The following STXBP5L variants were observed in gnomAD, a reference collection of about 807,000 sequenced individuals.
STXBP5L encodes the protein syntaxin-binding protein 5-like.
A neutral mutation model predicts 144.5 loss-of-function variants in STXBP5L; 65 were observed. The observed-to-expected ratio is 0.45, with a 90% confidence interval of 0.37 to 0.55. The LOEUF is 0.55. Among genes scored for constraint, STXBP5L ranks in the 20% least tolerant of loss-of-function variants. The pLI is 0.00. For missense variants in STXBP5L, 1,298 were observed against 1,405.5 expected (o/e 0.92, Z 1.22); for synonymous variants, 505 against 469.6 (o/e 1.08, Z -0.97).
chr3:121,008,855 A>G (rs1944552967), intron 3 of STXBP5L, among the ~76,000 whole-genome samples: 1 of 152,012 alleles, frequency 6.6e-6, no homozygotes, highest in South Asian at 2.1e-4. Context: ...CCATATTTAG[A>G]ATATGTAGCA....
At chr3:121,253,685 G>C (rs942953243) in intron 15 of STXBP5L, among the ~76,000 whole-genome samples, 1 of 149,608 alleles carries the variant, frequency 6.7e-6, no homozygotes, top group African/African-American at 2.5e-5. Flanking sequence ...CTGGAGTGCA[G>C]TGGCGCAGTC....
chr3:121,123,862 T>G (rs1427643724), intron 7 of STXBP5L, among the ~76,000 whole-genome samples: 1 of 151,760 alleles, frequency 6.6e-6, no homozygotes, highest in East Asian at 1.9e-4. Flanking sequence ...TCACAGAAGT[T>G]TTTTTATTTT....
At chr3:120,986,518 T>G (rs1942300862) in intron 3 of STXBP5L, among the ~76,000 whole-genome samples, 1 of 152,026 alleles carries the variant, frequency 6.6e-6, no homozygotes, top group Admixed American at 6.6e-5. Context: ...TTTGTCAGTT[T>G]TTGCTTATAT....
intron 22 of STXBP5L, among the ~76,000 whole-genome samples, chr3:121,393,191 A>ATTT (rs35499185): frequency 6.9e-6 from 1 of 145,550 alleles, no homozygotes; most frequent in Non-Finnish European, 1.5e-5. Context: ...GATGTTGAAC[A>ATTT]TTTTTTTTTT....
intron 19 of STXBP5L, among the ~76,000 whole-genome samples, chr3:121,301,724 A>G (rs578108338): frequency 1.3e-5 from 2 of 152,308 alleles, no homozygotes; most frequent in African/African-American, 4.8e-5. Flanking sequence ...TGTCCCATCA[A>G]TACCTAATTT....
chr3:120,982,845 C>A (rs1941921078), intron 3 of STXBP5L, among the ~76,000 whole-genome samples: 1 of 152,132 alleles, frequency 6.6e-6, no homozygotes, highest in African/African-American at 2.4e-5. Flanking sequence ...CCTAGATGGC[C>A]CCTTGGATGG....
intron 7 of STXBP5L, among the ~76,000 whole-genome samples, chr3:121,146,443 G>A (rs142842631): frequency 6.6e-4 from 101 of 152,042 alleles, no homozygotes; most frequent in Admixed American, 2.8e-3. Flanking sequence ...CCAAAAAGAG[G>A]GAGGACACAT....
intron 3 of STXBP5L, among the ~76,000 whole-genome samples, chr3:120,959,244 C>A (rs926434714): frequency 6.6e-6 from 1 of 152,062 alleles, no homozygotes; most frequent in Non-Finnish European, 1.5e-5. Flanking sequence ...GCTCAATGAA[C>A]TTAAAGAGGA....
intron 9 of STXBP5L, among the ~76,000 whole-genome samples, chr3:121,186,583 T>C (rs2047391190): frequency 1.3e-5 from 2 of 152,238 alleles, no homozygotes; most frequent in Non-Finnish European, 2.9e-5. Context: ...TCTGTTTATA[T>C]GCTGGATTAC....
intron 20 of STXBP5L, among the ~76,000 whole-genome samples, chr3:121,320,232 A>G (rs1440393623): frequency 5.9e-5 from 9 of 152,116 alleles, no homozygotes; most frequent in African/African-American, 1.9e-4. Context: ...CATATCTTTC[A>G]TTAAATTTAT....
At chr3:120,958,906 G>A (rs1190155766) in intron 3 of STXBP5L, among the ~76,000 whole-genome samples, 4 of 152,154 alleles carry the variant, frequency 2.6e-5, no homozygotes, top group African/African-American at 9.7e-5. Flanking sequence ...TCTGGCCAGG[G>A]CAATTAGGCA....
chr3:121,273,025 G>T (rs2050775451), intron 18 of STXBP5L, among the ~76,000 whole-genome samples: 1 of 151,638 alleles, frequency 6.6e-6, no homozygotes, highest in African/African-American at 2.4e-5. Context: ...CTTTATACTG[G>T]ACTTAAAGTT....
At chr3:121,304,989 A>C (rs2108500192) in intron 19 of STXBP5L, among the ~76,000 whole-genome samples, 1 of 152,214 alleles carries the variant, frequency 6.6e-6, no homozygotes, top group South Asian at 2.1e-4. Context: ...GAGTGAAAAA[A>C]AAGCATCACT....
At chr3:121,357,095 TAAG>T (rs1048986737) in intron 20 of STXBP5L, 1 of 166,502 alleles carries the variant, frequency 6.0e-6, no homozygotes, top group Non-Finnish European at 1.3e-5. Context: ...TCCACATCTG[TAAG>T]AAGAATGGGA....
intron 20 of STXBP5L, among the ~76,000 whole-genome samples, chr3:121,353,112 A>G (rs542876172): frequency 7.9e-5 from 12 of 152,160 alleles, no homozygotes; most frequent in Non-Finnish European, 1.5e-4. Flanking sequence ...TTTTGCATCC[A>G]TGTTCGTCAG....
At chr3:120,964,096 T>C (rs1214620692) in intron 3 of STXBP5L, among the ~76,000 whole-genome samples, 1 of 152,264 alleles carries the variant, frequency 6.6e-6, no homozygotes, top group African/African-American at 2.4e-5. Flanking sequence ...GTAGTTTGTA[T>C]TTCTGCAGGA....
chr3:120,932,330 T>C (rs1709987035), intron 2 of STXBP5L, among the ~76,000 whole-genome samples: 1 of 152,212 alleles, frequency 6.6e-6, no homozygotes, highest in African/African-American at 2.4e-5. Context: ...TATTTACATT[T>C]CTTTCCCTCT....
At chr3:121,341,868 G>GA (rs56232364) in intron 20 of STXBP5L, among the ~76,000 whole-genome samples, 77,190 of 151,854 alleles carry the variant, frequency 0.51, 19,926 homozygotes, top group East Asian at 0.71. Flanking sequence ...GTAGTGAAGG[G>GA]AAAGTGGGAT....
chr3:120,986,468 G>C (rs922183839), intron 3 of STXBP5L, among the ~76,000 whole-genome samples: 4 of 151,992 alleles, frequency 2.6e-5, no homozygotes, highest in Non-Finnish European at 5.9e-5. Context: ...TGACATTGAA[G>C]TATGCAACTA....
Sources: gnomAD v4.1 joint callset for allele counts (sites outside exome capture counted in the v4.1 genomes callset) on GRCh38, gnomAD v4.1.1 for gene constraint, MANE v1.5 for transcripts, NCBI Gene and HGNC (gene_info 2026-07-23, HGNC 2026-07-21) for gene names.